STAU2: variants seen among roughly 807,000 people sequenced by gnomAD.
STAU2 encodes the protein double-stranded RNA-binding protein Staufen homolog 2.
STAU2 carries 20 observed loss-of-function variants against 65.9 expected under a neutral mutation model. That is an observed-to-expected ratio of 0.30 (90% confidence interval 0.21 to 0.44). The LOEUF is 0.44. Ranked by LOEUF, STAU2 falls within the 20% of genes least tolerant of loss-of-function variation. The pLI is 1.00. For missense variants in STAU2, 558 were observed against 683.9 expected (o/e 0.82, Z 2.05); for synonymous variants, 232 against 233.9 (o/e 0.99, Z 0.07).
At chr8:73,630,005 A>G (rs2130015127) in intron 6 of STAU2, among the ~76,000 whole-genome samples, 1 of 152,316 alleles carries the variant, frequency 6.6e-6, no homozygotes, top group East Asian at 1.9e-4. Context: ...ATCCTTTCAT[A>G]CTGTTTAATA....
At chr8:73,737,050 A>G (rs1228512356) in intron 3 of STAU2, among the ~76,000 whole-genome samples, 1 of 151,634 alleles carries the variant, frequency 6.6e-6, no homozygotes, top group Admixed American at 6.6e-5. Context: ...TATTTTTAGT[A>G]AAGATGGGGT....
intron 13 of STAU2, among the ~76,000 whole-genome samples, chr8:73,529,838 G>T (rs997388884): frequency 6.6e-6 from 1 of 152,162 alleles, no homozygotes; most frequent in Non-Finnish European, 1.5e-5. Context: ...ACTGCTAGTT[G>T]TCCTCCAAGA....
intron 6 of STAU2, among the ~76,000 whole-genome samples, chr8:73,662,395 T>C (rs1397315862): frequency 6.6e-6 from 1 of 152,240 alleles, no homozygotes; most frequent in African/African-American, 2.4e-5. Flanking sequence ...CTCAATTTTT[T>C]CATGATCCAT....
chr8:73,623,914 C>G (rs1473085722), intron 6 of STAU2, among the ~76,000 whole-genome samples: 3 of 151,894 alleles, frequency 2.0e-5, no homozygotes, highest in African/African-American at 7.3e-5. Flanking sequence ...AATATTAGGA[C>G]TGATTAGAAA....
At chr8:73,709,609 T>C (rs1483959983) in intron 3 of STAU2, among the ~76,000 whole-genome samples, 1 of 152,068 alleles carries the variant, frequency 6.6e-6, no homozygotes, top group Non-Finnish European at 1.5e-5. Flanking sequence ...GTCTTGGGAA[T>C]CAGGTCCTAA....
At chr8:73,703,909 G>C (rs1820304261) in intron 4 of STAU2, among the ~76,000 whole-genome samples, 2 of 152,014 alleles carry the variant, frequency 1.3e-5, no homozygotes, top group African/African-American at 4.8e-5. Flanking sequence ...CAATACTTTT[G>C]GCATGGGTTA....
At chr8:73,644,821 C>T (rs1459185591) in intron 6 of STAU2, among the ~76,000 whole-genome samples, 5 of 152,116 alleles carry the variant, frequency 3.3e-5, no homozygotes. Flanking sequence ...ATTCTACACA[C>T]AGAAATTTGA....
At chr8:73,665,192 A>G (rs2130354302) in intron 6 of STAU2, among the ~76,000 whole-genome samples, 1 of 152,180 alleles carries the variant, frequency 6.6e-6, no homozygotes, top group Non-Finnish European at 1.5e-5. Flanking sequence ...TTTAACATTA[A>G]TGTTAATAAT....
At chr8:73,437,638 TATAC>T (rs774208429) in intron 13 of STAU2, among the ~76,000 whole-genome samples, 12 of 152,124 alleles carry the variant, frequency 7.9e-5, no homozygotes, top group Non-Finnish European at 1.3e-4. Flanking sequence ...GAAAAATGAA[TATAC>T]ATCTTTTTAA....
chr8:73,680,238 G>A (rs1473029007), intron 5 of STAU2, among the ~76,000 whole-genome samples: 1 of 151,980 alleles, frequency 6.6e-6, no homozygotes, highest in Non-Finnish European at 1.5e-5. Context: ...GGAAGGGCAA[G>A]GCCTGAAAGC....
chr8:73,552,442 G>A (rs547663748), intron 12 of STAU2, 123 bp from the exon 13 acceptor site: 2 of 794,940 alleles, frequency 2.5e-6, no homozygotes, highest in South Asian at 4.5e-5. Context: ...TGCCAAACAA[G>A]TATCTTTGTC....
At chr8:73,611,663 T>C (rs988691636) in intron 9 of STAU2, among the ~76,000 whole-genome samples, 4 of 150,116 alleles carry the variant, frequency 2.7e-5, no homozygotes, top group Non-Finnish European at 3.0e-5. Context: ...TTATGATGAT[T>C]ATTATTATGA....
chr8:73,486,583 CCTTT>C (rs1432727880), intron 13 of STAU2, among the ~76,000 whole-genome samples: 2 of 148,594 alleles, frequency 1.3e-5, no homozygotes, highest in East Asian at 2.0e-4. Flanking sequence ...TTTAGAAAAT[CCTTT>C]CTCTTTTTCC....
intron 13 of STAU2, among the ~76,000 whole-genome samples, chr8:73,463,354 G>T (rs1166274903): frequency 2.0e-5 from 3 of 152,214 alleles, no homozygotes; most frequent in Non-Finnish European, 2.9e-5. Context: ...ATGTTGTCCA[G>T]AAAAACTGTA....
chr8:73,562,435 A>G (rs540617816), intron 12 of STAU2, among the ~76,000 whole-genome samples: 12 of 152,346 alleles, frequency 7.9e-5, no homozygotes, highest in African/African-American at 2.6e-4. Context: ...GCAGTGAGCT[A>G]TAATGGCAAC....
At chr8:73,473,139 A>G (rs1820124693) in intron 13 of STAU2, among the ~76,000 whole-genome samples, 1 of 152,196 alleles carries the variant, frequency 6.6e-6, no homozygotes, top group Admixed American at 6.5e-5. Context: ...TAGCATTCAT[A>G]TGCTGGCAGG....
At chr8:73,646,452 A>G (rs1222859906) in intron 6 of STAU2, among the ~76,000 whole-genome samples, 1 of 152,240 alleles carries the variant, frequency 6.6e-6, no homozygotes, top group Non-Finnish European at 1.5e-5. Context: ...CTTTACACAA[A>G]GGTGAAAAAG....
intron 6 of STAU2, among the ~76,000 whole-genome samples, chr8:73,649,415 G>A (rs12674775): frequency 0.19 from 29,446 of 151,850 alleles, 3,112 homozygotes; most frequent in East Asian, 0.37. Context: ...CCAGGTTGCC[G>A]ACCCTGATCT....
At chr8:73,721,729 T>C (rs1040954110) in intron 3 of STAU2, among the ~76,000 whole-genome samples, 3 of 152,228 alleles carry the variant, frequency 2.0e-5, no homozygotes, top group Non-Finnish European at 2.9e-5. Context: ...CACTCCAAGT[T>C]GCTTTTGACT....
Sources: allele counts gnomAD v4.1 joint callset (sites outside exome capture counted in the v4.1 genomes callset), GRCh38; gene constraint gnomAD v4.1.1; transcripts MANE v1.5; gene names NCBI Gene and HGNC (gene_info 2026-07-23, HGNC 2026-07-21).